The following CFAP299 variants were observed in gnomAD, a reference collection of about 807,000 sequenced individuals.
The protein encoded by CFAP299 is cilia and flagella associated protein 299.
A neutral mutation model predicts 27.0 loss-of-function variants in CFAP299; 21 were observed. That is an observed-to-expected ratio of 0.78 (90% CI 0.55 to 1.12). CFAP299 has a LOEUF of 1.12. CFAP299 is among the 50% of genes most tolerant of loss of function. The pLI, the probability that CFAP299 is intolerant of heterozygous loss-of-function variation, is 0.00. For synonymous variants in CFAP299, 104 were observed against 98.1 expected, an observed-to-expected ratio of 1.06 and a Z score of -0.36; for missense variants, 310 against 276.6, an observed-to-expected ratio of 1.12 and a Z score of -0.86.
intron 3 of CFAP299, among the ~76,000 whole-genome samples, chr4:80,782,635 A>T (rs1370003443): frequency 3.4e-5 from 4 of 117,130 alleles, no homozygotes; most frequent in South Asian, 4.8e-4. Flanking sequence ...ATTCATATAT[A>T]ATATACATAT....
chr4:80,568,325 T>C (rs1018341264), intron 2 of CFAP299, among the ~76,000 whole-genome samples: 3 of 152,018 alleles, frequency 2.0e-5, no homozygotes, highest in African/African-American at 7.2e-5. Flanking sequence ...ATTTAGAAAA[T>C]TGCAAAACTA....
At chr4:80,792,132 G>A (rs1318435462) in intron 3 of CFAP299, among the ~76,000 whole-genome samples, 1 of 151,970 alleles carries the variant, frequency 6.6e-6, no homozygotes, top group Non-Finnish European at 1.5e-5. Context: ...TAGCCACTGT[G>A]TGTAAATATT....
At chr4:80,583,029 C>T (rs1736247351) in intron 2 of CFAP299, 64 bp from the exon 3 acceptor site, 9 of 1,016,272 alleles carry the variant, frequency 8.9e-6, no homozygotes, top group Non-Finnish European at 1.3e-5. Flanking sequence ...TTGTTGTTGG[C>T]TCCAGAGTGT....
chr4:80,828,154 T>C (rs941224460), intron 3 of CFAP299, among the ~76,000 whole-genome samples: 3 of 152,034 alleles, frequency 2.0e-5, no homozygotes, highest in Non-Finnish European at 4.4e-5. Context: ...ATCCTTATCA[T>C]AATTGCAATG....
intron 3 of CFAP299, among the ~76,000 whole-genome samples, chr4:80,784,072 C>CT (rs1009392034): frequency 6.6e-6 from 1 of 152,010 alleles, no homozygotes; most frequent in Non-Finnish European, 1.5e-5. Flanking sequence ...GGCAGGATCT[C>CT]TTTTTTTAGA....
chr4:80,676,389 T>C (rs1489262452), intron 3 of CFAP299, among the ~76,000 whole-genome samples: 1 of 152,220 alleles, frequency 6.6e-6, no homozygotes, highest in Non-Finnish European at 1.5e-5. Context: ...TTTGTATCTA[T>C]ATTTATCAAT....
intron 3 of CFAP299, among the ~76,000 whole-genome samples, chr4:80,762,452 A>G (rs899053563): frequency 1.3e-5 from 2 of 152,184 alleles, no homozygotes; most frequent in South Asian, 4.1e-4. Flanking sequence ...AAGTGGAACT[A>G]GAAGCCCATT....
intron 2 of CFAP299, among the ~76,000 whole-genome samples, chr4:80,432,409 C>T (rs1727862826): frequency 2.0e-5 from 3 of 152,144 alleles, no homozygotes; most frequent in Admixed American, 2.0e-4. Context: ...TCTTGGCCTC[C>T]CAAAGTGCTA....
chr4:80,851,971 T>C (rs1043071768), intron 3 of CFAP299, among the ~76,000 whole-genome samples: 4 of 152,156 alleles, frequency 2.6e-5, no homozygotes, highest in Non-Finnish European at 5.9e-5. Flanking sequence ...TGTGTCAGCT[T>C]CTACAAGGAT....
At chr4:80,387,477 G>T in intron 2 of CFAP299, 1 of 809,580 alleles carries the variant, frequency 1.2e-6, no homozygotes, top group Non-Finnish European at 2.1e-6. Flanking sequence ...CTTGCCCCTT[G>T]CTATCGCTGG....
chr4:80,604,418 C>T (rs992067602), intron 3 of CFAP299, among the ~76,000 whole-genome samples: 1 of 152,120 alleles, frequency 6.6e-6, no homozygotes, highest in African/African-American at 2.4e-5. Flanking sequence ...CCCTGGGCAT[C>T]AGTCCAGTGC....
At chr4:80,447,919 GC>G (rs1250747903) in intron 2 of CFAP299, among the ~76,000 whole-genome samples, 1 of 152,100 alleles carries the variant, frequency 6.6e-6, no homozygotes, top group Non-Finnish European at 1.5e-5. Flanking sequence ...TATACCACTG[GC>G]TTTTTGAGAT....
chr4:80,652,041 A>G (rs891295239), intron 3 of CFAP299, among the ~76,000 whole-genome samples: 2 of 152,134 alleles, frequency 1.3e-5, no homozygotes, highest in African/African-American at 4.8e-5. Flanking sequence ...CAGAAGAAAC[A>G]ATTCTCAGGA....
intron 3 of CFAP299, among the ~76,000 whole-genome samples, chr4:80,675,830 G>T (rs1190297918): frequency 1.3e-5 from 2 of 152,260 alleles, no homozygotes; most frequent in African/African-American, 2.4e-5. Flanking sequence ...CTCCACGGGT[G>T]TGGGACCTGC....
intron 2 of CFAP299, chr4:80,388,656 G>T (rs527640814): frequency 1.8e-4 from 221 of 1,220,082 alleles, no homozygotes; most frequent in Middle Eastern, 1.2e-3. Flanking sequence ...AGTAATGATG[G>T]GACAGCTAGA....
At chr4:80,837,284 T>A (rs1730615266) in intron 3 of CFAP299, among the ~76,000 whole-genome samples, 1 of 152,178 alleles carries the variant, frequency 6.6e-6, no homozygotes, top group East Asian at 1.9e-4. Flanking sequence ...TTGTTTTTAA[T>A]ATCTCTCTTG....
At chr4:80,889,890 T>C (rs1318350007) in intron 4 of CFAP299, among the ~76,000 whole-genome samples, 1 of 152,120 alleles carries the variant, frequency 6.6e-6, no homozygotes, top group African/African-American at 2.4e-5. Flanking sequence ...GTCATTTCAA[T>C]TGATGCTGAG....
chr4:80,328,340 A>C, the CFAP299 span, among the ~76,000 whole-genome samples: 16 of 152,302 alleles, frequency 1.1e-4, no homozygotes, highest in African/African-American at 3.8e-4. Flanking sequence ...AAAGCTAGGG[A>C]GAATGTGACT....
intron 2 of CFAP299, among the ~76,000 whole-genome samples, chr4:80,423,952 C>T (rs968419891): frequency 2.6e-5 from 4 of 152,228 alleles, no homozygotes; most frequent in Non-Finnish European, 5.9e-5. Flanking sequence ...GCTCCCAAGG[C>T]AGTCACTCAC....
Sources: gnomAD v4.1 joint callset for allele counts (sites outside exome capture counted in the v4.1 genomes callset) on GRCh38, gnomAD v4.1.1 for gene constraint, MANE v1.5 for transcripts, NCBI Gene and HGNC (gene_info 2026-07-23, HGNC 2026-07-21) for gene names.